Variants in CRLF3 observed in about 807,000 individuals in gnomAD.
CRLF3 encodes cytokine receptor like factor 3.
In CRLF3, 33 loss-of-function variants were observed where a neutral mutation model predicts 55.0. The observed-to-expected ratio is 0.60, with a 90% CI of 0.46 to 0.80. CRLF3 has a LOEUF of 0.80. Ranked by LOEUF, CRLF3 falls within the 30% of genes least tolerant of loss-of-function variation. The probability of loss-of-function intolerance (pLI) is 0.00; values close to 1 mark genes in which losing one functional copy is unlikely to be tolerated. For synonymous variants in CRLF3, 238 were observed against 196.8 expected (o/e 1.21, Z -1.75); for missense variants, 494 against 538.4 (o/e 0.92, Z 0.82).
At position 30,815,084 on chromosome 17, in the gene CRLF3, CTTT is replaced by C. The variant is rs541526248; in HGVS notation, c.129+9436_129+9438del. Among the ~76,000 whole-genome samples the C allele has an allele frequency of 9.2e-3, 985 of 107,426 alleles. 3 individuals are homozygous for C. Among genetic ancestry groups the C allele is most frequent in the African/African-American group, 0.032 (920 of 28,370 alleles). 70.5% of individuals were successfully genotyped at this position (107,426 alleles called of 152,430 possible). ...TTTTTTCTTTCTTTTTTCTTTCTTTCTTTTTTTTTTTTTTTTTTTGAGATGAAG... is the reference window on the plus strand; with the variant it reads ...TTTTTTCTTTCTTTTTTCTTTCTTTCTTTTTTTTTTTTTTTTGAGATGAAG... On this transcript the variant is annotated intron_variant, in intron 1 of 7. Coordinates refer to ENST00000324238, the MANE Select transcript of CRLF3 (RefSeq NM_015986.4).
chr17:30,785,872 A>T (rs747129612), intron 7 of CRLF3, 47 bp downstream of exon 7: 1 of 1,017,970 alleles, frequency 9.8e-7, no homozygotes, highest in Non-Finnish European at 1.5e-6. Flanking sequence ...CATATTACTA[A>T]AATAATTAAT....
intron 7 of CRLF3, among the ~76,000 whole-genome samples, chr17:30,785,555 G>A (rs1971623082): frequency 6.6e-6 from 1 of 151,898 alleles, no homozygotes; most frequent in South Asian, 2.1e-4. Context: ...CACCAAGGTG[G>A]GAGGATTGCT....
chr17:30,802,005 C>CCCGGCTATTTTTG (rs1972013133), intron 2 of CRLF3, among the ~76,000 whole-genome samples: 1 of 152,044 alleles, frequency 6.6e-6, no homozygotes, highest in African/African-American at 2.4e-5. Context: ...CTATCCCACA[C>CCCGGCTATTTTTG]TATTCCAGAC....
In CRLF3 at chr17:30,793,334, T is replaced by C. The variant is rs546906973; in HGVS notation, c.826+116A>G. 5.4e-5 allele frequency: 40 copies of C among 743,074 alleles called. No homozygotes were observed. The African/African-American group carries it at 5.5e-4, about 10-fold the overall frequency. The allele number at this position is 743,074 out of a possible 1,614,324, so 46.0% of individuals were successfully genotyped here. On this transcript the variant is annotated intron_variant, in intron 5 of 7. Coordinates refer to ENST00000324238, the MANE Select transcript of CRLF3 (RefSeq NM_015986.4). Reference sequence around the variant, plus strand: ...TAAAAGACATGGTGCATGTTGTTCTTATCAATTCAGGATCTATGCTTAGAA... The same window carrying C: ...TAAAAGACATGGTGCATGTTGTTCTCATCAATTCAGGATCTATGCTTAGAA...
chr17:30,812,662 T>C (rs1904661748), intron 1 of CRLF3, among the ~76,000 whole-genome samples: 1 of 152,154 alleles, frequency 6.6e-6, no homozygotes, highest in Admixed American at 6.6e-5. Context: ...CGTGGCCTTG[T>C]GTGGTCCTCT....
At chr17:30,819,710 A>G (rs2142276182) in intron 1 of CRLF3, among the ~76,000 whole-genome samples, 1 of 152,278 alleles carries the variant, frequency 6.6e-6, no homozygotes, top group Middle Eastern at 3.4e-3. Flanking sequence ...ACTTATAACA[A>G]ACAGAAAGGC....
Position 30,793,619 on chromosome 17 carries a change from A to C in CRLF3, c.657T>G (p.Thr219=). The C allele has an allele frequency of 6.2e-7, 1 of 1,614,112 alleles. No homozygotes were observed. Among genetic ancestry groups the C allele is most frequent in the Non-Finnish European group, 8.5e-7 (1 of 1,179,980 alleles). Residue 219 remains threonine, a synonymous_variant, in exon 5 of 8, where the codon ACT becomes ACG. Coordinates refer to ENST00000324238, the MANE Select transcript of CRLF3 (RefSeq NM_015986.4). The stretch of plus-strand genomic sequence containing the variant: ...CATATACATCCTCAAAATGATTTGA[A>C]GTACATTTACGAAACTGGAGCCTGT... ...QDYRLQFRKC[T]SNHFEDVYVG... is the part of the protein sequence containing the mutation.
chr17:30,810,316 T>C (rs1487230464), intron 1 of CRLF3, among the ~76,000 whole-genome samples: 2 of 152,168 alleles, frequency 1.3e-5, no homozygotes, highest in Non-Finnish European at 2.9e-5. Context: ...TCCCAGCACT[T>C]TGGGAGGCCC....
At chr17:30,801,979 C>T (rs1308578359) in intron 2 of CRLF3, among the ~76,000 whole-genome samples, 1 of 151,934 alleles carries the variant, frequency 6.6e-6, no homozygotes, top group East Asian at 1.9e-4. Flanking sequence ...CTCTGTGGAA[C>T]TCTTCCTACA....
chr17:30,815,270 G>C (rs768769347), intron 1 of CRLF3, among the ~76,000 whole-genome samples: 13 of 151,550 alleles, frequency 8.6e-5, no homozygotes, highest in Non-Finnish European at 1.5e-4. Flanking sequence ...ATTTTTAGTA[G>C]AGATGGGGTT....
At chr17:30,790,838 G>C (rs1262550444) in intron 6 of CRLF3, 3 of 151,878 alleles carry the variant, frequency 2.0e-5, no homozygotes, top group African/African-American at 7.3e-5. Context: ...GGATGGTCTC[G>C]ATCTCCTGAC....
At chr17:30,791,236 A>G (rs1025233973) in intron 6 of CRLF3, among the ~76,000 whole-genome samples, 1 of 151,196 alleles carries the variant, frequency 6.6e-6, no homozygotes, top group African/African-American at 2.4e-5. Context: ...ACATCCAGCT[A>G]ATTTTTGTAT....
chr17:30,807,637 A>C (rs1289990171), intron 1 of CRLF3, among the ~76,000 whole-genome samples: 1 of 140,532 alleles, frequency 7.1e-6, no homozygotes, highest in Non-Finnish European at 1.5e-5. Context: ...GGTTCAAGAG[A>C]TTCTCCTGCC....
chr17:30,803,375 T>A lies in CRLF3; in HGVS notation c.337+526A>T, dbSNP rs2035494. Among the ~76,000 whole-genome samples, 6 of 152,196 alleles carry A rather than the reference T, an allele frequency of 3.9e-5. No homozygotes were observed. The East Asian group carries it at 1.2e-3, about 29-fold the overall frequency. On this transcript the variant is annotated intron_variant, in intron 2 of 7. Transcript: ENST00000324238. ...TCAACTGCACTTGCCATGCGATACC[T>A]AACGGTATATCTGTCATCCTATATT...
At position 30,804,052 on chromosome 17, in the gene CRLF3, T is replaced by A; in HGVS notation, c.186A>T (p.Leu62Phe). 1.2e-6 allele frequency: 2 copies of A among 1,613,938 alleles called. No individual in the cohort carries two copies. The highest frequency in any genetic ancestry group is 1.7e-6 in the Non-Finnish European group (2 of 1,179,964). Residue 62 changes from leucine (L) to phenylalanine (F), a missense_variant, in exon 2 of 8, where the codon TTA becomes TTT. Leu to Phe is a conservative substitution (Grantham distance 22). Coordinates refer to ENST00000324238, the MANE Select transcript of CRLF3 (RefSeq NM_015986.4). Reference protein sequence around the residue: ...RDVLKQHFNDLKGTLGKLLDE... With the variant: ...RDVLKQHFNDFKGTLGKLLDE... Reference sequence around the variant, plus strand: ...CCAGGAGCTTTCCAAGGGTTCCCTTTAAATCATTAAAATGCTGTTTGAGAA... The same window carrying A: ...CCAGGAGCTTTCCAAGGGTTCCCTTAAAATCATTAAAATGCTGTTTGAGAA...
intron 7 of CRLF3, among the ~76,000 whole-genome samples, chr17:30,785,588 C>A (rs1971623993): frequency 2.0e-5 from 3 of 151,638 alleles, no homozygotes; most frequent in Non-Finnish European, 4.4e-5. Context: ...TCAAGACTCA[C>A]CTGGGCAACA....
intron 1 of CRLF3, among the ~76,000 whole-genome samples, chr17:30,810,466 G>A (rs1051789638): frequency 9.2e-5 from 14 of 152,056 alleles, no homozygotes; most frequent in Non-Finnish European, 2.1e-4. Context: ...CTGGGCTGAG[G>A]CAGGAGAATC....
intron 1 of CRLF3, among the ~76,000 whole-genome samples, chr17:30,812,691 G>C (rs569028736): frequency 6.6e-6 from 1 of 152,162 alleles, no homozygotes; most frequent in Non-Finnish European, 1.5e-5. Context: ...ATCTGGGCTG[G>C]GCCTGTGACT....
At chr17:30,789,029 G>A in intron 6 of CRLF3, among the ~76,000 whole-genome samples, 1 of 152,120 alleles carries the variant, frequency 6.6e-6, no homozygotes, top group East Asian at 1.9e-4. Flanking sequence ...ATGCCCTTAT[G>A]CATGGAGTCC....
Sources: allele counts gnomAD v4.1 joint callset (sites outside exome capture counted in the v4.1 genomes callset), GRCh38; gene constraint gnomAD v4.1.1; transcripts MANE v1.5; gene names NCBI Gene and HGNC (gene_info 2026-07-23, HGNC 2026-07-21).